CCSER1: variants seen among roughly 807,000 people sequenced by gnomAD.
CCSER1 encodes serine-rich coiled-coil domain-containing protein 1.
CCSER1 carries 41 observed loss-of-function variants against 82.0 expected under a neutral mutation model. The observed-to-expected ratio is 0.50, with a 90% CI of 0.39 to 0.65. The LOEUF (loss-of-function observed/expected upper bound fraction) is 0.65, where lower values mean the gene tolerates loss of function less well. CCSER1 is among the 30% of genes least tolerant of loss of function. CCSER1 has a pLI of 0.00. For synonymous variants in CCSER1, 414 were observed against 383.9 expected (o/e 1.08, Z -0.92); for missense variants, 1,119 against 1,064.2 (o/e 1.05, Z -0.72).
chr4:91,113,953 C>T (rs978593626), intron 10 of CCSER1, among the ~76,000 whole-genome samples: 4 of 151,784 alleles, frequency 2.6e-5, no homozygotes, highest in Non-Finnish European at 5.9e-5. Context: ...CCTGAGTTCA[C>T]GCCGTTCTCC....
At chr4:90,135,731 G>A (rs1261512369) in intron 1 of CCSER1, among the ~76,000 whole-genome samples, 1 of 152,158 alleles carries the variant, frequency 6.6e-6, no homozygotes, top group East Asian at 1.9e-4. Flanking sequence ...TTACCTGGCT[G>A]TGCCCCACTA....
chr4:90,668,310 T>C (rs1732171951), intron 6 of CCSER1, among the ~76,000 whole-genome samples: 1 of 152,208 alleles, frequency 6.6e-6, no homozygotes, highest in Admixed American at 6.5e-5. Flanking sequence ...TCTGTATCTT[T>C]TCTAGCTGTC....
At chr4:90,749,981 A>T (rs979627302) in intron 7 of CCSER1, among the ~76,000 whole-genome samples, 3 of 152,060 alleles carry the variant, frequency 2.0e-5, no homozygotes, top group Admixed American at 6.6e-5. Context: ...AATGATTGCC[A>T]TTCTAACTGG....
intron 10 of CCSER1, among the ~76,000 whole-genome samples, chr4:91,410,887 T>C (rs1031384305): frequency 2.0e-5 from 3 of 152,058 alleles, no homozygotes; most frequent in African/African-American, 7.2e-5. Flanking sequence ...TAACACAATA[T>C]ATTTGGAAAA....
intron 10 of CCSER1, among the ~76,000 whole-genome samples, chr4:91,505,461 G>A (rs1414965476): frequency 6.6e-6 from 1 of 152,214 alleles, no homozygotes; most frequent in Non-Finnish European, 1.5e-5. Context: ...TATATACCCA[G>A]TAATGGGATT....
At chr4:90,628,434 G>T (rs145879897) in intron 6 of CCSER1, among the ~76,000 whole-genome samples, 1,929 of 152,204 alleles carry the variant, frequency 0.013, 22 homozygotes, top group Middle Eastern at 0.02. Context: ...CCTTAAAATT[G>T]TAAGAGTTTA....
intron 10 of CCSER1, among the ~76,000 whole-genome samples, chr4:91,573,740 T>A (rs1006857315): frequency 2.6e-5 from 4 of 152,168 alleles, no homozygotes; most frequent in African/African-American, 4.8e-5. Flanking sequence ...AGTACCTGGA[T>A]GTTTCAGTTG....
intron 1 of CCSER1, among the ~76,000 whole-genome samples, chr4:90,269,598 C>A (rs1578857520): frequency 1.3e-5 from 2 of 151,662 alleles, no homozygotes; most frequent in Admixed American, 1.3e-4. Context: ...TTCAAATAAA[C>A]AACACAACAG....
rs549803178 is a variant in CCSER1, at chr4:91,094,663, A to G, written c.2217+8669A>G. Among the ~76,000 whole-genome samples the G allele has an allele frequency of 8.1e-4, 124 of 152,168 alleles. 1 individual carries two copies. Among genetic ancestry groups the G allele is most frequent in the Non-Finnish European group, 1.4e-3 (94 of 68,028 alleles). ...GCTTTTGTCTAATTGGCTGAGCCCC[A>G]GGCTTAACTTGTATGAGTACTGGGG... On this transcript the variant is annotated intron_variant, in intron 10 of 10. Transcript: ENST00000509176.
At chr4:91,219,900 G>A (rs1180746287) in intron 10 of CCSER1, among the ~76,000 whole-genome samples, 1 of 152,090 alleles carries the variant, frequency 6.6e-6, no homozygotes, top group East Asian at 1.9e-4. Flanking sequence ...TATATAGATA[G>A]AAATTTCTAT....
chr4:90,848,633 T>C (rs1423829682), intron 8 of CCSER1, among the ~76,000 whole-genome samples: 3 of 152,174 alleles, frequency 2.0e-5, no homozygotes, highest in African/African-American at 7.2e-5. Flanking sequence ...CTAATAACAA[T>C]CAGTTTTATG....
At chr4:90,931,014 A>AAT (rs199808606) in intron 9 of CCSER1, among the ~76,000 whole-genome samples, 91 of 141,564 alleles carry the variant, frequency 6.4e-4, no homozygotes, top group Middle Eastern at 3.9e-3. Flanking sequence ...ATATCCTTGA[A>AAT]ATATATATAT....
intron 3 of CCSER1, among the ~76,000 whole-genome samples, chr4:90,393,463 C>T (rs562384807): frequency 6.6e-6 from 1 of 152,230 alleles, no homozygotes; most frequent in East Asian, 1.9e-4. Context: ...AGGCTGTAAA[C>T]GTCTTATTAA....
intron 6 of CCSER1, among the ~76,000 whole-genome samples, chr4:90,700,012 A>G (rs1206253456): frequency 6.6e-6 from 1 of 151,478 alleles, no homozygotes; most frequent in Non-Finnish European, 1.5e-5. Context: ...TTATACTTTA[A>G]GTTCTAGGGT....
intron 10 of CCSER1, among the ~76,000 whole-genome samples, chr4:91,522,001 T>A (rs1760499101): frequency 6.6e-6 from 1 of 152,230 alleles, no homozygotes; most frequent in Non-Finnish European, 1.5e-5. Context: ...TTCTAGGGTT[T>A]TTATGGTTTT....
chr4:90,610,872 T>C (rs1344941936), intron 5 of CCSER1, among the ~76,000 whole-genome samples: 1 of 151,920 alleles, frequency 6.6e-6, no homozygotes, highest in East Asian at 1.9e-4. Context: ...TCAGTTGATA[T>C]TCTTTTTTTG....
At chr4:91,353,737 C>A (rs549652669) in intron 10 of CCSER1, among the ~76,000 whole-genome samples, 2 of 151,724 alleles carry the variant, frequency 1.3e-5, no homozygotes, top group African/African-American at 4.9e-5. Flanking sequence ...ACTAAGGTAG[C>A]GATGAAGTTT....
At chr4:90,485,425 C>T (rs1271007740) in intron 5 of CCSER1, among the ~76,000 whole-genome samples, 1 of 152,024 alleles carries the variant, frequency 6.6e-6, no homozygotes, top group Non-Finnish European at 1.5e-5. Flanking sequence ...GAACCTGGTA[C>T]CTCACTTGGA....
intron 3 of CCSER1, among the ~76,000 whole-genome samples, chr4:90,346,056 T>C (rs2153507420): frequency 6.6e-6 from 1 of 152,164 alleles, no homozygotes; most frequent in Non-Finnish European, 1.5e-5. Context: ...TTTTCTGCCA[T>C]ATGACCTGTG....
Sources: allele counts gnomAD v4.1 joint callset (sites outside exome capture counted in the v4.1 genomes callset), GRCh38; gene constraint gnomAD v4.1.1; transcripts MANE v1.5; gene names NCBI Gene and HGNC (gene_info 2026-07-23, HGNC 2026-07-21).